The following MROH1 variants were observed in gnomAD, a reference collection of about 807,000 sequenced individuals.
MROH1 encodes the protein maestro heat-like repeat-containing protein family member 1.
In MROH1, 117 loss-of-function variants were observed where a neutral mutation model predicts 116.5. The observed-to-expected ratio is 1.00, with a 90% CI of 0.86 to 1.17. The LOEUF (loss-of-function observed/expected upper bound fraction) is 1.17. MROH1 is among the 50% of genes most tolerant of loss of function. The pLI is 0.00. For missense variants in MROH1, 1,873 were observed against 1,338.5 expected (o/e 1.40, Z -6.23); for synonymous variants, 921 against 583.9 (o/e 1.58, Z -8.32).
chr8:144,247,447 G>A lies in MROH1; in HGVS notation c.3007+11G>A, dbSNP rs1045012586. ...AGCTCGGCTATGAGGGTGAGCCCTC[G>A]TCAGGAGTGTGGGGGCCAGTGGTCG... On this transcript the variant is annotated intron_variant, in intron 30 of 43. Transcript: ENST00000326134. 3.8e-4 allele frequency: 296 copies of A among 769,414 alleles called. 3 individuals are homozygous for A. In the East Asian group the frequency reaches 7.0e-3, roughly 18 times the overall value. 47.7% of individuals were successfully genotyped at this position (769,414 alleles called of 1,614,324 possible). A position where few individuals can be genotyped will look rare whatever the true frequency, so the allele number is the denominator to read the frequency against.
intron 12 of MROH1, among the ~76,000 whole-genome samples, chr8:144,209,972 T>C (rs969850242): frequency 2.8e-4 from 43 of 151,166 alleles, no homozygotes; most frequent in Non-Finnish European, 2.7e-4. Flanking sequence ...TTATTACATA[T>C]CATTCTAAGA....
At chr8:144,247,497 G>C in intron 30 of MROH1, 61 bp downstream of exon 30, 1 of 761,368 alleles carries the variant, frequency 1.3e-6, no homozygotes, top group Non-Finnish European at 2.4e-6. Context: ...GAGGGATGAG[G>C]TGCGGAGTCC....
At chr8:144,171,194 G>C (rs1018844455) in intron 4 of MROH1, among the ~76,000 whole-genome samples, 4 of 152,202 alleles carry the variant, frequency 2.6e-5, no homozygotes, top group Admixed American at 6.5e-5. Flanking sequence ...GCAAGCCCCA[G>C]GTGTGGCCTG....
intron 4 of MROH1, among the ~76,000 whole-genome samples, chr8:144,170,856 A>G (rs1169277923): frequency 6.6e-6 from 1 of 152,082 alleles, no homozygotes; most frequent in Non-Finnish European, 1.5e-5. Context: ...GGACAGACAG[A>G]CTCCTCAGGG....
chr8:144,254,711 G>A (rs2133249969), intron 33 of MROH1, 102 bp from the exon 34 acceptor site: 3 of 642,596 alleles, frequency 4.7e-6, no homozygotes, highest in East Asian at 5.3e-5. Context: ...CCTGGTGGCT[G>A]TGTCTGAGCG....
At chr8:144,161,530 T>C (rs1197357174) in intron 2 of MROH1, among the ~76,000 whole-genome samples, 1 of 152,212 alleles carries the variant, frequency 6.6e-6, no homozygotes, top group Non-Finnish European at 1.5e-5. Context: ...CTCCAGGCAG[T>C]GAGCTGGGCT....
chr8:144,212,222 T>A (rs1269761386), intron 12 of MROH1, among the ~76,000 whole-genome samples: 1 of 152,050 alleles, frequency 6.6e-6, no homozygotes, highest in Admixed American at 6.6e-5. Context: ...TAGCTGGGAC[T>A]TGCAGGTGCA....
rs1267780414 is a variant in MROH1 at position 144,190,866 on chromosome 8, C to G, written c.645C>G (p.Ala215=). 6.2e-7 allele frequency: 1 copy of G among 1,613,830 alleles called. No individual in the cohort carries two copies. The change falls in exon 8 of 44, where the codon GCC becomes GCG. Residue 215 remains alanine (A), a synonymous_variant. Transcript: ENST00000326134. ...RAPDPTVRKD[A]FATDIFSAYD... ...CAGACCCCACGGTCAGGAAGGACGC[C>G]TTTGCCACCGACATCTTCAGCGCCT... is the stretch of plus-strand genomic sequence containing the variant.
At chr8:144,204,953 A>AAACCCT (rs1158533030) in intron 12 of MROH1, among the ~76,000 whole-genome samples, 5 of 152,208 alleles carry the variant, frequency 3.3e-5, no homozygotes, top group Non-Finnish European at 5.9e-5. Context: ...TTTCCAAAGT[A>AAACCCT]GCTGTTTATA....
rs1345914530 is a variant in MROH1 at position 144,256,510 on chromosome 8, G to A, written c.3791+805G>A. Among the ~76,000 whole-genome samples the A allele has an allele frequency of 2.0e-5, 3 of 152,192 alleles. No individual in the cohort carries two copies. The East Asian group carries it at 5.8e-4, about 30-fold the overall frequency. On this transcript the variant is annotated intron_variant, in intron 35 of 43. Transcript: ENST00000326134. ...GACCCAGGCCAGCTCGTAAAGCCCA[G>A]TGGGGCCGGCTGCCAGCGCTGCTCT...
At chr8:144,260,500 G>A (rs983263170) in intron 39 of MROH1, 126 bp downstream of exon 39, 39 of 705,538 alleles carry the variant, frequency 5.5e-5, no homozygotes, top group Non-Finnish European at 7.5e-5. Context: ...TGGAGAGCGC[G>A]GACCTGCAGG....
At position 144,239,188 on chromosome 8, in the gene MROH1, C is replaced by T. The variant is rs1042114525; in HGVS notation, c.1591+9C>T. ...CCAGTACGACGCCCATGGTGCGTGC[C>T]GCGCCGTACCCCACCTCCCCACTCC... On this transcript the variant is annotated intron_variant, in intron 16 of 43. Transcript: ENST00000326134. The T allele has an allele frequency of 1.2e-4, 94 of 757,580 alleles. 1 individual carries two copies. Among genetic ancestry groups the T allele is most frequent in the South Asian group, 1.2e-3 (87 of 73,502 alleles). 46.9% of individuals were successfully genotyped at this position (757,580 alleles called of 1,614,324 possible).
intron 4 of MROH1, 93 bp downstream of exon 4, chr8:144,168,533 T>TG (rs984202850): frequency 1.4e-6 from 2 of 1,464,478 alleles, no homozygotes; most frequent in African/African-American, 2.8e-5. Context: ...CCAGGAGCAG[T>TG]GGGTCGGGTG....
intron 35 of MROH1, 33 bp from the exon 36 acceptor site, chr8:144,258,744 C>T (rs1230291020): frequency 1.7e-5 from 13 of 750,712 alleles, no homozygotes; most frequent in Non-Finnish European, 2.9e-5. Context: ...GGCGTGTGTG[C>T]CCTACCAGCT....
chr8:144,171,275 T>G (rs1297753275), intron 4 of MROH1, among the ~76,000 whole-genome samples: 2 of 152,206 alleles, frequency 1.3e-5, no homozygotes, highest in Non-Finnish European at 2.9e-5. Context: ...ATTGCAGCAG[T>G]GGCTCACAGA....
Position 144,175,177 on chromosome 8 carries a change from C to T in MROH1, c.169-4278C>T, listed in dbSNP as rs1380108698. 9 of 984,104 alleles carry T rather than the reference C, an allele frequency of 9.1e-6. No homozygotes were observed. In the Admixed American group the frequency reaches 5.5e-4, roughly 61 times the overall value. The allele number at this position is 984,104 out of a possible 1,614,324, so 61.0% of individuals were successfully genotyped here. A position where few individuals can be genotyped will look rare whatever the true frequency, so the allele number is the denominator to read the frequency against. ...CCTGCTGCACCTGAGCTTCTCCTCC[C>T]AGCAGCGGATCTGGTCGAGTGGGTA... On this transcript the variant is annotated intron_variant, in intron 4 of 43. Coordinates refer to ENST00000326134, the MANE Select transcript of MROH1 (RefSeq NM_032450.3).
chr8:144,233,128 C>A (rs142013805), intron 14 of MROH1, among the ~76,000 whole-genome samples: 1,568 of 152,122 alleles, frequency 0.01, 25 homozygotes, highest in Non-Finnish European at 0.011. Context: ...CAGCACCTGG[C>A]CATGATTGCT....
Position 144,152,615 on chromosome 8 carries a change from C to T in MROH1, c.-177+4539C>T, listed in dbSNP as rs910418247. ...AGGCTGGAGTGCAGTGGTGCAATCT[C>T]GGCTCACTGGAAGCTCCGCCTCCTG... On this transcript the variant is annotated intron_variant, in intron 1 of 43. Coordinates refer to ENST00000326134, the MANE Select transcript of MROH1 (RefSeq NM_032450.3). Among the ~76,000 whole-genome samples, 96 of 151,204 alleles carry T rather than the reference C, an allele frequency of 6.3e-4. 3 individuals carry two copies. The South Asian group carries it at 0.013, about 20-fold the overall frequency.
At chr8:144,172,474 C>T (rs141356442) in intron 4 of MROH1, among the ~76,000 whole-genome samples, 1,816 of 151,304 alleles carry the variant, frequency 0.012, 27 homozygotes, top group African/African-American at 0.039. Flanking sequence ...GGCAATGGCG[C>T]GATCTCGGCT....
Sources: allele counts gnomAD v4.1 joint callset (sites outside exome capture counted in the v4.1 genomes callset), GRCh38; gene constraint gnomAD v4.1.1; transcripts MANE v1.5; gene names NCBI Gene and HGNC (gene_info 2026-07-23, HGNC 2026-07-21).